CCDC15: variants seen among roughly 807,000 people sequenced by gnomAD.
The protein encoded by CCDC15 is coiled-coil domain containing 15.
A neutral mutation model predicts 114.5 loss-of-function variants in CCDC15; 105 were observed. That is an observed-to-expected ratio of 0.92 (90% CI 0.78 to 1.08). CCDC15 has a LOEUF of 1.08. CCDC15 is among the 50% of genes least tolerant of loss of function. CCDC15 has a pLI of 0.00. For missense variants in CCDC15, 1,105 were observed against 1,093.6 expected, an observed-to-expected ratio of 1.01 and a Z score of -0.15; for synonymous variants, 334 against 377.8, an observed-to-expected ratio of 0.88 and a Z score of 1.34.
At chr11:125,017,999 C>G (rs912808134) in intron 13 of CCDC15, among the ~76,000 whole-genome samples, 3 of 151,972 alleles carry the variant, frequency 2.0e-5, no homozygotes, top group Admixed American at 6.6e-5. Context: ...TAAAAAGTTA[C>G]AGTAAGCTGA....
intron 13 of CCDC15, among the ~76,000 whole-genome samples, chr11:125,032,997 G>A (rs566648236): frequency 1.3e-5 from 2 of 152,146 alleles, no homozygotes; most frequent in Non-Finnish European, 2.9e-5. Flanking sequence ...AAGTCCGGAG[G>A]TCTCCTTGGG....
intron 13 of CCDC15, among the ~76,000 whole-genome samples, chr11:125,032,236 A>G (rs933393408): frequency 5.9e-5 from 9 of 152,226 alleles, no homozygotes; most frequent in African/African-American, 2.2e-4. Context: ...ACAAAGCCGG[A>G]GAGTTGATAT....
intron 4 of CCDC15, among the ~76,000 whole-genome samples, chr11:124,964,242 A>G (rs967241261): frequency 1.4e-4 from 22 of 152,088 alleles, no homozygotes; most frequent in Non-Finnish European, 2.4e-4. Context: ...CAGTATGGCC[A>G]TTTTCACGAT....
At chr11:125,037,253 A>G (rs1485283847) in intron 13 of CCDC15, among the ~76,000 whole-genome samples, 2 of 152,170 alleles carry the variant, frequency 1.3e-5, no homozygotes, top group African/African-American at 2.4e-5. Context: ...TTTATTCCCT[A>G]CTGCTCAGAT....
At chr11:124,981,565 C>T (rs991544677) in intron 6 of CCDC15, among the ~76,000 whole-genome samples, 1 of 151,926 alleles carries the variant, frequency 6.6e-6, no homozygotes, top group African/African-American at 2.4e-5. Flanking sequence ...GTCTGGCCTT[C>T]AACTCAGTGA....
rs764609799 is a variant in CCDC15, at chr11:125,040,584, T to C, written c.2735-6T>C. ...TATTCATTGCTGTGCAAACCTTTTTTTGCAGCATATACTCGGGCACTACAT... is the reference window on the plus strand; with the variant it reads ...TATTCATTGCTGTGCAAACCTTTTTCTGCAGCATATACTCGGGCACTACAT... On this transcript the variant is annotated splice_polypyrimidine_tract_variant and splice_region_variant and intron_variant, in intron 15 of 15. Transcript: ENST00000344762. 6.2e-7 allele frequency: 1 copy of C among 1,602,172 alleles called. No individual in the cohort carries two copies. Among genetic ancestry groups the C allele is most frequent in the Admixed American group, 1.7e-5 (1 of 58,526 alleles).
chr11:125,008,339 A>G (rs1270248405), intron 13 of CCDC15, among the ~76,000 whole-genome samples: 2 of 152,228 alleles, frequency 1.3e-5, no homozygotes, highest in African/African-American at 4.8e-5. Context: ...CATTGCTGGT[A>G]TATCGGAAAG....
At chr11:125,024,072 ATC>A (rs1412124858) in intron 13 of CCDC15, among the ~76,000 whole-genome samples, 2 of 152,020 alleles carry the variant, frequency 1.3e-5, no homozygotes, top group Non-Finnish European at 2.9e-5. Flanking sequence ...TGAAAATTGT[ATC>A]TCAACATTAA....
Position 124,992,504 on chromosome 11 carries a change from A to G in CCDC15, c.2032-76A>G. 3 of 805,866 alleles carry G rather than the reference A, an allele frequency of 3.7e-6. No individual in the cohort carries two copies. In the Admixed American group the frequency reaches 7.2e-5, roughly 19 times the overall value. The allele number at this position is 805,866 out of a possible 1,614,324, so 49.9% of individuals were successfully genotyped here. A position where few individuals can be genotyped will look rare whatever the true frequency, so the allele number is the denominator to read the frequency against. On this transcript the variant is annotated intron_variant, in intron 9 of 15. Coordinates refer to ENST00000344762, the MANE Select transcript of CCDC15 (RefSeq NM_025004.3). ...TTTCATTTCTCTGGAGTTTTCACTG[A>G]AGCTTATGATATTATGATTAGCATT...
rs762722016 is a variant in CCDC15, at chr11:124,987,879, G to T, written c.1653G>T (p.Trp551Cys). 2 of 1,613,888 alleles carry T rather than the reference G, an allele frequency of 1.2e-6. No individual in the cohort carries two copies. The highest frequency in any genetic ancestry group is 1.7e-6 in the Non-Finnish European group (2 of 1,179,854). The change falls in exon 8 of 16, where the codon TGG becomes TGT. Residue 551 changes from tryptophan (W) to cysteine (C), a missense_variant. Physicochemically the swap from Trp to Cys is radical, Grantham distance 215 (BLOSUM62 -2). Transcript: ENST00000344762. Reference sequence around the variant, plus strand: ...ACCAGCATGTTCTCCCCAAAGACTGGAATATTCTACCCAAATGTCAGGACC... The same window carrying T: ...ACCAGCATGTTCTCCCCAAAGACTGTAATATTCTACCCAAATGTCAGGACC... ...SRDQHVLPKD[W>C]NILPKCQDQD...
At position 124,995,855 on chromosome 11, in the gene CCDC15, G is replaced by A. The variant is rs1948358457; in HGVS notation, c.2214+2612G>A. ...TTTCTCCTTTTTTTTTTTTGAGACAGAGTCTTACTCTGTCACCTAGGCTGG... is the reference window on the plus strand; with the variant it reads ...TTTCTCCTTTTTTTTTTTTGAGACAAAGTCTTACTCTGTCACCTAGGCTGG... On this transcript the variant is annotated intron_variant, in intron 11 of 15. Coordinates refer to ENST00000344762, the MANE Select transcript of CCDC15 (RefSeq NM_025004.3). Among the ~76,000 whole-genome samples, 4 of 150,658 alleles carry A rather than the reference G, an allele frequency of 2.7e-5. No individual in the cohort carries two copies. The South Asian group carries it at 8.4e-4, about 32-fold the overall frequency.
intron 4 of CCDC15, among the ~76,000 whole-genome samples, chr11:124,964,829 T>G (rs1168643945): frequency 1.3e-5 from 2 of 152,218 alleles, no homozygotes; most frequent in Non-Finnish European, 2.9e-5. Flanking sequence ...ATACCTAGTT[T>G]ATTGAGAGTT....
chr11:125,031,184 G>A (rs1051013665), intron 13 of CCDC15, among the ~76,000 whole-genome samples: 3 of 152,220 alleles, frequency 2.0e-5, no homozygotes, highest in South Asian at 4.1e-4. Flanking sequence ...CTGTCCATCA[G>A]GGATGTCCTG....
intron 5 of CCDC15, among the ~76,000 whole-genome samples, chr11:124,977,157 C>G (rs1163825003): frequency 5.3e-5 from 8 of 152,136 alleles, no homozygotes; most frequent in Non-Finnish European, 1.0e-4. Flanking sequence ...TTTGGAGATA[C>G]AAGTGGAACA....
At chr11:124,969,586 CTT>C (rs1947846310) in intron 4 of CCDC15, among the ~76,000 whole-genome samples, 1 of 152,106 alleles carries the variant, frequency 6.6e-6, no homozygotes, top group Non-Finnish European at 1.5e-5. Context: ...TTTATTCTCT[CTT>C]TACAGTGCTA....
intron 13 of CCDC15, among the ~76,000 whole-genome samples, chr11:125,031,606 G>A (rs1264375621): frequency 6.6e-6 from 1 of 152,208 alleles, no homozygotes; most frequent in African/African-American, 2.4e-5. Context: ...TCTCTCAAAA[G>A]GAGAGTAGTT....
chr11:124,992,788 G>T, intron 10 of CCDC15, 101 bp downstream of exon 10: 1 of 666,114 alleles, frequency 1.5e-6, no homozygotes, highest in Non-Finnish European at 2.5e-6. Context: ...TAGCTTGTTT[G>T]TGGAATACAT....
chr11:125,025,803 G>A (rs1948698387), intron 13 of CCDC15, among the ~76,000 whole-genome samples: 1 of 151,724 alleles, frequency 6.6e-6, no homozygotes, highest in African/African-American at 2.4e-5. Context: ...GTCTCTGATG[G>A]TATCACCTCT....
chr11:124,960,727 A>G (rs1320716536), intron 4 of CCDC15, among the ~76,000 whole-genome samples: 2 of 152,186 alleles, frequency 1.3e-5, no homozygotes, highest in African/African-American at 2.4e-5. Context: ...AACCACTGTG[A>G]GTAGATTTCA....
Sources: gnomAD v4.1 joint callset for allele counts (sites outside exome capture counted in the v4.1 genomes callset) on GRCh38, gnomAD v4.1.1 for gene constraint, MANE v1.5 for transcripts, NCBI Gene and HGNC (gene_info 2026-07-23, HGNC 2026-07-21) for gene names.